The following NDST1 variants were observed in gnomAD, a reference collection of about 807,000 sequenced individuals.
NDST1 encodes N-deacetylase and N-sulfotransferase 1.
Under a neutral mutation model 92.8 loss-of-function variants are expected in NDST1, and 35 were observed. That is an observed-to-expected ratio of 0.38 (90% CI 0.29 to 0.50). The LOEUF is 0.50. Ranked by LOEUF, NDST1 falls within the 20% of genes least tolerant of loss-of-function variation. NDST1 has a pLI of 0.94. For synonymous variants in NDST1, 493 were observed against 500.3 expected, an observed-to-expected ratio of 0.99 and a Z score of 0.19; for missense variants, 822 against 1,182.7, an observed-to-expected ratio of 0.69 and a Z score of 4.47.
chr5:150,547,737 G>C (rs940431792), intron 11 of NDST1, among the ~76,000 whole-genome samples: 1 of 152,200 alleles, frequency 6.6e-6, no homozygotes, highest in African/African-American at 2.4e-5. Context: ...TATGACAACA[G>C]TGCAGCAGCG....
At position 150,540,235 on chromosome 5, in the gene NDST1, T is replaced by C. The variant is rs1755181004; in HGVS notation, c.1720T>C (p.Phe574Leu). 1.9e-6 allele frequency: 3 copies of C among 1,611,262 alleles called. No homozygotes were observed. The African/African-American group carries it at 4.0e-5, about 22-fold the overall frequency. The stretch of plus-strand genomic sequence containing the variant: ...GTTGGCGCAGAAGTACTTCCAGATC[T>C]TCTCCGAGGAGAAGGACCCGCTCTG... The part of the protein sequence containing the change: ...VQLAQKYFQI[F>L]SEEKDPLWQD... The change falls in exon 8 of 15, where the codon TTC becomes CTC. Residue 574 changes from phenylalanine (F) to leucine (L), a missense_variant. Coordinates refer to ENST00000261797, the MANE Select transcript of NDST1 (RefSeq NM_001543.5).
chr5:150,498,300 G>A (rs1226645703), intron 1 of NDST1: 2 of 152,286 alleles, frequency 1.3e-5, no homozygotes, highest in Non-Finnish European at 2.9e-5. Context: ...ATCTCATGGT[G>A]TTATAGTTAG....
intron 2 of NDST1, among the ~76,000 whole-genome samples, chr5:150,525,875 C>A (rs775536314): frequency 1.3e-5 from 2 of 152,304 alleles, no homozygotes; most frequent in African/African-American, 4.8e-5. Context: ...CCCACTCACT[C>A]TCCAGGCAGC....
chr5:150,521,304 A>G lies in NDST1; in HGVS notation c.50A>G (p.Gln17Arg). The change falls in exon 2 of 15, where the codon CAG becomes CGG. Residue 17 changes from glutamine (Q) to arginine (R), a missense_variant. Coordinates refer to ENST00000261797, the MANE Select transcript of NDST1 (RefSeq NM_001543.5). The surrounding 1 kb of genome is among the most constrained non-coding windows in gnomAD (Gnocchi z 5.9). ...LRRLCRHVSP[Q>R]AVLFLLFIFC... ...AGGCTGTGTCGGCACGTGTCCCCGC[A>G]GGCTGTCCTTTTCCTGCTGTTCATC... The G allele has an allele frequency of 6.2e-7, 1 of 1,612,906 alleles. No individual in the cohort carries two copies. Among genetic ancestry groups the G allele is most frequent in the Non-Finnish European group, 8.5e-7 (1 of 1,179,896 alleles).
intron 3 of NDST1, among the ~76,000 whole-genome samples, chr5:150,529,094 T>C (rs1419895783): frequency 6.6e-6 from 1 of 151,810 alleles, no homozygotes; most frequent in Non-Finnish European, 1.5e-5. Context: ...TGTGTTTAAT[T>C]CAAAAAAGGT....
Position 150,524,346 on chromosome 5 carries a change from C to T in NDST1, c.513+2579C>T, listed in dbSNP as rs113956176. ...TAAACAGCAGTGGTAGCACTGTGTC[C>T]GTCTTGTGGCCCTGACCAATGTGTG... On this transcript the variant is annotated intron_variant, in intron 2 of 14. Coordinates refer to ENST00000261797, the MANE Select transcript of NDST1 (RefSeq NM_001543.5). Among the ~76,000 whole-genome samples, 623 of 152,316 alleles carry T rather than the reference C, an allele frequency of 4.1e-3. 4 individuals are homozygous for T. Among genetic ancestry groups the T allele is most frequent in the African/African-American group, 0.014 (583 of 41,578 alleles).
chr5:150,548,507 T>A, intron 12 of NDST1, 119 bp downstream of exon 12: 1 of 1,089,712 alleles, frequency 9.2e-7, no homozygotes. Context: ...CTTGGAGAGC[T>A]AGACCCTTGG....
At chr5:150,498,763 A>G (rs1185856203) in intron 1 of NDST1, among the ~76,000 whole-genome samples, 2 of 152,118 alleles carry the variant, frequency 1.3e-5, no homozygotes, top group African/African-American at 4.8e-5. Context: ...CTATTCTGCC[A>G]CCAATTGATT....
upstream of NDST1, among the ~76,000 whole-genome samples, chr5:150,504,232 G>A (rs114206922): frequency 5.1e-4 from 77 of 152,336 alleles, no homozygotes; most frequent in African/African-American, 1.8e-3. Flanking sequence ...GCTGTCACCG[G>A]GCATTGCTTA....
In NDST1 at chr5:150,539,245, C is replaced by A; in HGVS notation, c.1455C>A (p.Thr485=). ...HNGIMVLPRQ[T]CGLFTHTIFY... ...CTCCTCAGGTTCTCCCACGGCAGAC[C>A]TGCGGCCTCTTCACACACACCATCT... Residue 485 remains threonine (T), a synonymous_variant, in exon 7 of 15, where the codon ACC becomes ACA. Transcript: ENST00000261797. 6.2e-7 allele frequency: 1 copy of A among 1,614,192 alleles called. No individual in the cohort carries two copies. Among genetic ancestry groups the A allele is most frequent in the Non-Finnish European group, 8.5e-7 (1 of 1,180,028 alleles).
At chr5:150,541,884 G>A (rs1755264447) in intron 9 of NDST1, among the ~76,000 whole-genome samples, 1 of 152,134 alleles carries the variant, frequency 6.6e-6, no homozygotes, top group Admixed American at 6.5e-5. Flanking sequence ...CTGAACCATA[G>A]CCTCAGGGAG....
At chr5:150,516,175 C>T (rs997249850) in intron 1 of NDST1, among the ~76,000 whole-genome samples, 1 of 152,242 alleles carries the variant, frequency 6.6e-6, no homozygotes, top group Non-Finnish European at 1.5e-5. Context: ...CTGCCTGGCC[C>T]TCTGTGTAAT....
chr5:150,546,967 T>G (rs1241329448), intron 11 of NDST1, among the ~76,000 whole-genome samples: 1 of 152,216 alleles, frequency 6.6e-6, no homozygotes, highest in African/African-American at 2.4e-5. Context: ...GAATGGGCAG[T>G]CTGCTTTCAT....
At chr5:150,515,953 G>A (rs990690683) in intron 1 of NDST1, among the ~76,000 whole-genome samples, 1 of 151,976 alleles carries the variant, frequency 6.6e-6, no homozygotes, top group Admixed American at 6.6e-5. Context: ...CAAAGCAACT[G>A]GCTTCCCCCC....
chr5:150,536,672 TCTC>T (rs1755004930), intron 6 of NDST1, among the ~76,000 whole-genome samples: 1 of 152,028 alleles, frequency 6.6e-6, no homozygotes, highest in Non-Finnish European at 1.5e-5. Context: ...TTCAAGCAAT[TCTC>T]CTGCTTCAGC....
chr5:150,520,987 C>T lies in NDST1; in HGVS notation c.-268C>T, dbSNP rs557508522. The T allele has an allele frequency of 5.1e-6, 3 of 583,632 alleles. No individual in the cohort carries two copies. The highest frequency in any genetic ancestry group is 3.2e-5 in the Admixed American group (1 of 31,658). The allele number at this position is 583,632 out of a possible 1,614,324, so 36.2% of individuals were successfully genotyped here. A position where few individuals can be genotyped will look rare whatever the true frequency, so the allele number is the denominator to read the frequency against. ...CCTGACGCCCTGGGGCACTTCTGCT[C>T]TGCACAGGACCACGCGGGGGTTTGC... On this transcript the variant is annotated 5_prime_UTR_variant, in exon 2 of 15. Coordinates refer to ENST00000261797, the MANE Select transcript of NDST1 (RefSeq NM_001543.5).
Position 150,539,319 on chromosome 5 carries a change from A to G in NDST1, c.1529A>G (p.Asn510Ser), listed in dbSNP as rs938073124. 3.7e-6 allele frequency: 6 copies of G among 1,614,066 alleles called. No individual in the cohort carries two copies. The highest frequency in any genetic ancestry group is 1.7e-5 in the Admixed American group (1 of 60,002). The change falls in exon 7 of 15, where the codon AAC becomes AGC. Residue 510 changes from asparagine (N) to serine (S), a missense_variant. Asn to Ser is a conservative substitution (Grantham distance 46). Transcript: ENST00000261797. ...GGSSELDKII[N>S]GGELFLTVLL... ...TCCAGTGAGCTGGACAAGATCATCAACGGGGGCGAGCTCTTCCTCACCGTG... is the reference window on the plus strand; with the variant it reads ...TCCAGTGAGCTGGACAAGATCATCAGCGGGGGCGAGCTCTTCCTCACCGTG...
chr5:150,535,402 G>A, intron 5 of NDST1: 1 of 985,216 alleles, frequency 1.0e-6, no homozygotes, highest in Middle Eastern at 5.2e-4. Context: ...GGTAGGAAAG[G>A]CCCTCGTCCT....
At chr5:150,518,588 T>C (rs527639405) in intron 1 of NDST1, among the ~76,000 whole-genome samples, 1 of 152,338 alleles carries the variant, frequency 6.6e-6, no homozygotes, top group East Asian at 1.9e-4. Flanking sequence ...GTTTCTTTTT[T>C]TGCATTTAGC....
Sources: gnomAD v4.1 joint callset for allele counts (sites outside exome capture counted in the v4.1 genomes callset) on GRCh38, gnomAD v4.1.1 for gene constraint, Gnocchi (gnomAD v3.1) non-coding constraint, MANE v1.5 for transcripts, NCBI Gene and HGNC (gene_info 2026-07-23, HGNC 2026-07-21) for gene names.